The following FAM200B variants were observed in gnomAD, a reference collection of about 807,000 sequenced individuals.
FAM200B encodes zinc finger BED-type containing 11.
A neutral mutation model predicts 33.1 loss-of-function variants in FAM200B; 32 were observed. That is an observed-to-expected ratio of 0.97 (90% CI 0.73 to 1.30). The LOEUF (loss-of-function observed/expected upper bound fraction) is 1.30. Ranked by LOEUF, FAM200B falls within the 50% of genes most tolerant of loss-of-function variation. FAM200B has a pLI of 0.00. For synonymous variants in FAM200B, 240 were observed against 264.8 expected (o/e 0.91, Z 0.91); for missense variants, 741 against 754.0 (o/e 0.98, Z 0.20).
chr4:15,653,388 G>A, the FAM200B span, among the ~76,000 whole-genome samples: 2 of 152,120 alleles, frequency 1.3e-5, no homozygotes, highest in East Asian at 3.8e-4. Context: ...GAAAAAGAGC[G>A]ACTAACTTCT....
chr4:15,654,238 T>A, the FAM200B span, among the ~76,000 whole-genome samples: 2 of 152,242 alleles, frequency 1.3e-5, no homozygotes, highest in Admixed American at 6.5e-5. Context: ...ACAGTAGTCA[T>A]TTGAATGCTT....
chr4:15,662,830 T>C, the FAM200B span, among the ~76,000 whole-genome samples: 36,763 of 152,080 alleles, frequency 0.24, 4,696 homozygotes, highest in African/African-American at 0.28. Context: ...AGCAGAATAG[T>C]GAACAAGTTT....
the FAM200B span, among the ~76,000 whole-genome samples, chr4:15,658,129 T>C: frequency 6.6e-6 from 1 of 152,228 alleles, no homozygotes; most frequent in South Asian, 2.1e-4. Flanking sequence ...CTGGAAAGGG[T>C]TATTGGCCAG....
chr4:15,638,745 T>G, the FAM200B span: 1 of 1,163,088 alleles, frequency 8.6e-7, no homozygotes, highest in South Asian at 1.4e-5. Context: ...CGTGTTGATT[T>G]ACTCTAAACC....
the FAM200B span, among the ~76,000 whole-genome samples, chr4:15,653,009 A>G: frequency 1.3e-5 from 2 of 152,206 alleles, no homozygotes; most frequent in South Asian, 4.1e-4. Flanking sequence ...CCATTACAAA[A>G]TACTTATTTT....
the FAM200B span, among the ~76,000 whole-genome samples, chr4:15,658,109 T>C: frequency 1.3e-5 from 2 of 152,242 alleles, no homozygotes; most frequent in Non-Finnish European, 2.9e-5. Context: ...CAAGCCTAAT[T>C]TTGAGAACCC....
In FAM200B at chr4:15,689,049, TG is replaced by T; in HGVS notation, c.*99del. 2.2e-6 allele frequency: 2 copies of T among 898,132 alleles called. No homozygotes were observed. The highest frequency in any genetic ancestry group is 3.0e-6 in the Non-Finnish European group (2 of 661,350). The allele number at this position is 898,132 out of a possible 1,614,324, so 55.6% of individuals were successfully genotyped here. On this transcript the variant is annotated 3_prime_UTR_variant, in exon 2 of 2. Coordinates refer to ENST00000422728, the MANE Select transcript of FAM200B (RefSeq NM_001145191.2). Reference sequence around the variant, plus strand: ...TGGTACTATAATACTGTGATACTTTTGTTATGTTTTAATTTTTGTTATATTT... The same window carrying T: ...TGGTACTATAATACTGTGATACTTTTTTATGTTTTAATTTTTGTTATATTT...
the FAM200B span, among the ~76,000 whole-genome samples, chr4:15,652,877 T>G: frequency 6.1e-3 from 878 of 143,332 alleles, 11 homozygotes; most frequent in African/African-American, 0.022. Context: ...TATATAGTTT[T>G]ATTGTAAACT....
At chr4:15,684,240 G>A (rs1718619111) in intron 1 of FAM200B, among the ~76,000 whole-genome samples, 1 of 152,150 alleles carries the variant, frequency 6.6e-6, no homozygotes, top group Admixed American at 6.5e-5. Context: ...TCGTGTTCGG[G>A]TATGAACATG....
chr4:15,684,169 G>A (rs1367257791), intron 1 of FAM200B, among the ~76,000 whole-genome samples: 1 of 152,168 alleles, frequency 6.6e-6, no homozygotes, highest in Non-Finnish European at 1.5e-5. Context: ...ACATTTATAG[G>A]TCTTTGGTGT....
chr4:15,661,227 T>A, the FAM200B span, among the ~76,000 whole-genome samples: 3 of 152,332 alleles, frequency 2.0e-5, no homozygotes, highest in East Asian at 1.9e-4. Flanking sequence ...GTGTGCAAGG[T>A]TGTAACAAAA....
At chr4:15,658,198 A>G in the FAM200B span, among the ~76,000 whole-genome samples, 2 of 152,214 alleles carry the variant, frequency 1.3e-5, no homozygotes, top group Non-Finnish European at 2.9e-5. Context: ...CACTTTCCCT[A>G]ATAGGGGATT....
upstream of FAM200B, among the ~76,000 whole-genome samples, chr4:15,680,149 T>C (rs894900413): frequency 2.6e-5 from 4 of 151,614 alleles, no homozygotes; most frequent in African/African-American, 9.7e-5. Flanking sequence ...GCAGAAAATA[T>C]TGAAGGAGAG....
the FAM200B span, chr4:15,640,859 C>T: frequency 6.5e-7 from 1 of 1,540,626 alleles, no homozygotes; most frequent in Non-Finnish European, 8.7e-7. Flanking sequence ...AGTTGTTTTG[C>T]ATAATTTAAC....
chr4:15,653,084 T>C, the FAM200B span, among the ~76,000 whole-genome samples: 1 of 152,032 alleles, frequency 6.6e-6, no homozygotes, highest in African/African-American at 2.4e-5. Flanking sequence ...CAAGAAGAAA[T>C]CCAGATGTAA....
At chr4:15,641,601 G>A in the FAM200B span, 2 of 458,140 alleles carry the variant, frequency 4.4e-6, no homozygotes, top group Admixed American at 2.3e-5. Flanking sequence ...TATGTTATTG[G>A]TAAGGCTTCC....
chr4:15,664,461 A>G, the FAM200B span, among the ~76,000 whole-genome samples: 1 of 151,774 alleles, frequency 6.6e-6, no homozygotes, highest in East Asian at 1.9e-4. Context: ...TGAGGTACCT[A>G]GTACAGTACC....
chr4:15,638,961 T>C, the FAM200B span, among the ~76,000 whole-genome samples: 1 of 152,044 alleles, frequency 6.6e-6, no homozygotes, highest in Non-Finnish European at 1.5e-5. Context: ...GGTCGGGAGT[T>C]CGAGACCAAC....
the FAM200B span, among the ~76,000 whole-genome samples, chr4:15,671,540 T>C: frequency 1.3e-5 from 2 of 152,048 alleles, no homozygotes; most frequent in East Asian, 3.9e-4. Flanking sequence ...TCTCAAAGTG[T>C]TGGAATTACA....
Sources: allele counts gnomAD v4.1 joint callset (sites outside exome capture counted in the v4.1 genomes callset), GRCh38; gene constraint gnomAD v4.1.1; transcripts MANE v1.5; gene names NCBI Gene and HGNC (gene_info 2026-07-23, HGNC 2026-07-21).